PARN: variants seen among roughly 807,000 people sequenced by gnomAD.
The protein encoded by PARN is poly(A)-specific ribonuclease PARN.
PARN carries 71 observed loss-of-function variants against 102.8 expected under a neutral mutation model. The ratio of observed to expected loss-of-function variants is 0.69; its 90% CI spans 0.57 to 0.84. PARN has a LOEUF of 0.84. Among genes scored for constraint, PARN ranks in the 40% least tolerant of loss-of-function variants. The probability of loss-of-function intolerance (pLI) is 0.00; values close to 1 mark genes in which losing one functional copy is unlikely to be tolerated. For synonymous variants in PARN, 261 were observed against 252.9 expected (o/e 1.03, Z -0.30); for missense variants, 782 against 760.9 (o/e 1.03, Z -0.33).
intron 18 of PARN, among the ~76,000 whole-genome samples, chr16:14,574,306 T>C (rs1430842847): frequency 1.3e-5 from 2 of 152,160 alleles, no homozygotes; most frequent in African/African-American, 2.4e-5. Flanking sequence ...GCAGAAGAAA[T>C]TTCTAAGCAG....
At chr16:14,531,181 C>G (rs567596244) in intron 21 of PARN, among the ~76,000 whole-genome samples, 1 of 152,042 alleles carries the variant, frequency 6.6e-6, no homozygotes, top group Non-Finnish European at 1.5e-5. Flanking sequence ...CCATCTATAT[C>G]AAAAAATACA....
At chr16:14,473,855 C>T (rs967664527) in intron 22 of PARN, among the ~76,000 whole-genome samples, 3 of 152,200 alleles carry the variant, frequency 2.0e-5, no homozygotes, top group Admixed American at 6.5e-5. Context: ...GACGGCAAAA[C>T]GGGCTGAGTA....
intron 22 of PARN, among the ~76,000 whole-genome samples, chr16:14,475,731 G>C (rs1300393204): frequency 6.6e-6 from 1 of 152,204 alleles, no homozygotes; most frequent in Non-Finnish European, 1.5e-5. Context: ...AGCAGTGCCT[G>C]TCTTCCTCTC....
At chr16:14,445,564 T>TTG (rs575523140) in intron 23 of PARN, among the ~76,000 whole-genome samples, 9 of 152,130 alleles carry the variant, frequency 5.9e-5, no homozygotes, top group Admixed American at 1.3e-4. Context: ...TCACTTTCTT[T>TTG]TGTGTGTGTG....
intron 12 of PARN, among the ~76,000 whole-genome samples, chr16:14,594,773 G>T (rs556150541): frequency 6.6e-6 from 1 of 152,292 alleles, no homozygotes; most frequent in Non-Finnish European, 1.5e-5. Flanking sequence ...GACCTTCAGT[G>T]TAACACTGCT....
At chr16:14,562,405 C>T (rs1257881518) in intron 18 of PARN, among the ~76,000 whole-genome samples, 1 of 148,446 alleles carries the variant, frequency 6.7e-6, no homozygotes, top group African/African-American at 2.5e-5. Context: ...TTGCAGTGAG[C>T]CTGGGGGTCA....
intron 21 of PARN, among the ~76,000 whole-genome samples, chr16:14,525,677 AGAT>A (rs1965959905): frequency 1.3e-5 from 2 of 152,200 alleles, no homozygotes; most frequent in Admixed American, 6.5e-5. Context: ...GTGAATCCAG[AGAT>A]TCAGTTCACT....
intron 22 of PARN, among the ~76,000 whole-genome samples, chr16:14,451,537 G>A (rs958085241): frequency 6.6e-6 from 1 of 152,068 alleles, no homozygotes; most frequent in African/African-American, 2.4e-5. Context: ...GAAAGGGTGG[G>A]TATTTTATAA....
intron 21 of PARN, among the ~76,000 whole-genome samples, chr16:14,542,763 C>T (rs1194128587): frequency 6.6e-6 from 1 of 151,776 alleles, no homozygotes; most frequent in Non-Finnish European, 1.5e-5. Flanking sequence ...TGTGGATAGA[C>T]AGAAAATATA....
intron 21 of PARN, among the ~76,000 whole-genome samples, chr16:14,519,369 G>C (rs892748448): frequency 2.0e-5 from 3 of 149,094 alleles, no homozygotes; most frequent in Admixed American, 6.7e-5. Context: ...AGGGGAGGAA[G>C]AACATTTTCT....
At chr16:14,477,805 G>A (rs549296305) in intron 22 of PARN, among the ~76,000 whole-genome samples, 10 of 151,750 alleles carry the variant, frequency 6.6e-5, no homozygotes, top group African/African-American at 2.4e-4. Context: ...GGGAAAAGGG[G>A]GAAGGGAAGG....
intron 18 of PARN, among the ~76,000 whole-genome samples, chr16:14,556,986 C>G (rs918971177): frequency 3.3e-5 from 5 of 152,086 alleles, no homozygotes; most frequent in African/African-American, 4.8e-5. Flanking sequence ...TGTTTATCTT[C>G]CAAAATGGGT....
chr16:14,537,919 T>C (rs1211010557), intron 21 of PARN, among the ~76,000 whole-genome samples: 1 of 152,156 alleles, frequency 6.6e-6, no homozygotes, highest in African/African-American at 2.4e-5. Context: ...TTATATATTT[T>C]CAAAAAGCTA....
At chr16:14,542,315 T>TC (rs1267060505) in intron 21 of PARN, among the ~76,000 whole-genome samples, 7 of 151,800 alleles carry the variant, frequency 4.6e-5, no homozygotes, top group Admixed American at 2.6e-4. Flanking sequence ...CTTTTTTTTT[T>TC]TTCTTCTTTT....
intron 18 of PARN, among the ~76,000 whole-genome samples, chr16:14,562,429 T>C (rs1417044226): frequency 7.6e-6 from 1 of 131,472 alleles, no homozygotes; most frequent in Non-Finnish European, 1.6e-5. Context: ...CGGGACTCTG[T>C]CTCGAAAAAA....
intron 21 of PARN, among the ~76,000 whole-genome samples, chr16:14,514,945 C>T (rs931330438): frequency 6.6e-6 from 1 of 152,174 alleles, no homozygotes; most frequent in Non-Finnish European, 1.5e-5. Flanking sequence ...TCACAGATGC[C>T]AAGGTGAAGC....
At chr16:14,500,665 T>C (rs1015227514) in intron 21 of PARN, among the ~76,000 whole-genome samples, 5 of 152,310 alleles carry the variant, frequency 3.3e-5, no homozygotes, top group African/African-American at 7.2e-5. Flanking sequence ...ACCTCTAACA[T>C]AAGTAAAGTC....
At chr16:14,537,721 C>G (rs968609967) in intron 21 of PARN, among the ~76,000 whole-genome samples, 2 of 151,808 alleles carry the variant, frequency 1.3e-5, no homozygotes, top group Non-Finnish European at 2.9e-5. Flanking sequence ...ATGTGGGAGC[C>G]GAAAAGCTTT....
intron 21 of PARN, among the ~76,000 whole-genome samples, chr16:14,534,751 C>T (rs1334896812): frequency 2.6e-5 from 4 of 152,038 alleles, no homozygotes; most frequent in African/African-American, 9.7e-5. Context: ...TTCCCCACAT[C>T]GCTCCACTTC....
Sources: gnomAD v4.1 joint callset for allele counts (sites outside exome capture counted in the v4.1 genomes callset) on GRCh38, gnomAD v4.1.1 for gene constraint, MANE v1.5 for transcripts, NCBI Gene and HGNC (gene_info 2026-07-23, HGNC 2026-07-21) for gene names.